The following LIPJ variants were observed in gnomAD, a reference collection of about 807,000 sequenced individuals.
LIPJ encodes the protein lipase family member J.
Under a neutral mutation model 39.8 loss-of-function variants are expected in LIPJ, and 33 were observed. The ratio of observed to expected loss-of-function variants is 0.83; its 90% CI spans 0.63 to 1.11. The LOEUF (loss-of-function observed/expected upper bound fraction) is 1.11, where lower values mean the gene tolerates loss of function less well. Among genes scored for constraint, LIPJ ranks in the 50% least tolerant of loss-of-function variants. LIPJ has a pLI of 0.00. For missense variants in LIPJ, 422 were observed against 427.9 expected (o/e 0.99, Z 0.12); for synonymous variants, 128 against 139.2 (o/e 0.92, Z 0.57).
chr10:88,594,515 G>A (rs1432121652), intron 5 of LIPJ, 152 bp from the exon 6 acceptor site: 1 of 458,070 alleles, frequency 2.2e-6, no homozygotes, highest in Non-Finnish European at 3.8e-6. Context: ...TCCCACAGAA[G>A]TCTCTATTCA....
downstream of LIPJ, among the ~76,000 whole-genome samples, chr10:88,609,426 T>C (rs1851724102): frequency 6.6e-6 from 1 of 152,210 alleles, no homozygotes; most frequent in Non-Finnish European, 1.5e-5. Context: ...CAAATGATCC[T>C]TCAAAGAAGG....
At chr10:88,609,696 C>T (rs1400518310), downstream of LIPJ, among the ~76,000 whole-genome samples, 2 of 151,930 alleles carry the variant, frequency 1.3e-5, no homozygotes, top group African/African-American at 2.4e-5. Flanking sequence ...GTCAAGAGAT[C>T]GGGACCATCC....
intron 5 of LIPJ, 57 bp from the exon 6 acceptor site, chr10:88,594,610 A>G: frequency 1.2e-6 from 1 of 810,234 alleles, no homozygotes; most frequent in South Asian, 2.5e-5. Context: ...ATTATTTTCA[A>G]ATACTAACAT....
At chr10:88,604,970 T>C (rs948766844) in intron 9 of LIPJ, among the ~76,000 whole-genome samples, 1 of 152,096 alleles carries the variant, frequency 6.6e-6, no homozygotes, top group African/African-American at 2.4e-5. Flanking sequence ...TGGCAGAAAC[T>C]AAGTTGGCTA....
chr10:88,583,509 C>T, upstream of LIPJ: 2 of 1,194,508 alleles, frequency 1.7e-6, no homozygotes, highest in East Asian at 5.1e-5. Context: ...TGGGAGAACC[C>T]GCCTCGCAAC....
chr10:88,613,800 A>ATATATATATATATGTGTGTGTG, the LIPJ span, among the ~76,000 whole-genome samples: 14 of 74,156 alleles, frequency 1.9e-4, no homozygotes, highest in Admixed American at 8.5e-4. Flanking sequence ...ATATATATAT[A>ATATATATATATATGTGTGTGTG]TGTGTGTGTG....
the LIPJ span, among the ~76,000 whole-genome samples, chr10:88,622,590 A>AG: frequency 6.6e-6 from 1 of 152,172 alleles, no homozygotes; most frequent in African/African-American, 2.4e-5. Flanking sequence ...GTACTGACCC[A>AG]GGGACCAGAC....
intron 2 of LIPJ, among the ~76,000 whole-genome samples, chr10:88,587,982 T>C (rs905967157): frequency 1.3e-5 from 2 of 152,040 alleles, no homozygotes; most frequent in African/African-American, 4.8e-5. Context: ...TTATCTTTTT[T>C]TGTAAACCTT....
At chr10:88,595,504 T>C (rs1273709064) in intron 6 of LIPJ, among the ~76,000 whole-genome samples, 1 of 151,714 alleles carries the variant, frequency 6.6e-6, no homozygotes, top group Non-Finnish European at 1.5e-5. Flanking sequence ...CCATTTTGTA[T>C]AGATCTTTTC....
At position 88,594,208 on chromosome 10, in the gene LIPJ, A is replaced by C. The variant is rs964105200; in HGVS notation, c.329+64A>C. ...TATACAAATTTTTCATTTTGAATGC[A>C]ATAAAATAAAATTTAGGTCTTACTA... On this transcript the variant is annotated intron_variant, in intron 5 of 10. Coordinates refer to ENST00000371939, the Ensembl canonical transcript of LIPJ. 7.6e-6 allele frequency: 9 copies of C among 1,191,968 alleles called. No individual in the cohort carries two copies. The African/African-American group carries it at 1.2e-4, about 16-fold the overall frequency. The allele number at this position is 1,191,968 out of a possible 1,614,324, so 73.8% of individuals were successfully genotyped here.
downstream of LIPJ, among the ~76,000 whole-genome samples, chr10:88,608,584 A>G (rs1426612001): frequency 6.6e-6 from 1 of 152,214 alleles, no homozygotes; most frequent in Non-Finnish European, 1.5e-5. Flanking sequence ...GTGTGAATTT[A>G]CCACATAAAG....
At chr10:88,597,789 C>T (rs950310620) in intron 8 of LIPJ, among the ~76,000 whole-genome samples, 1 of 151,838 alleles carries the variant, frequency 6.6e-6, no homozygotes, top group African/African-American at 2.4e-5. Context: ...TTCATATTCC[C>T]TCTTTTTCAT....
the LIPJ span, among the ~76,000 whole-genome samples, chr10:88,613,670 G>A: frequency 6.7e-6 from 1 of 150,266 alleles, no homozygotes; most frequent in East Asian, 2.0e-4. Context: ...GTGATTGCCA[G>A]GGAGTAGGAA....
downstream of LIPJ, among the ~76,000 whole-genome samples, chr10:88,609,156 C>T (rs2134592795): frequency 6.6e-6 from 1 of 152,254 alleles, no homozygotes; most frequent in South Asian, 2.1e-4. Context: ...ATGCCAAGAA[C>T]CTGGACCCCC....
rs748090078 is a variant in LIPJ, at chr10:88,606,766, T to G, written c.960T>G (p.Val320=). ...ACTTGTTGGCTGACCCTGAAGACGT[T>G]AACATTTTACATTCTGAAATCACAA... The change falls in exon 11 of 11, where the codon GTT becomes GTG. Residue 320 remains valine, a synonymous_variant. Transcript: ENST00000371939. The G allele has an allele frequency of 5.6e-6, 9 of 1,613,504 alleles. 1 individual carries two copies. In the South Asian group the frequency reaches 9.9e-5, roughly 18 times the overall value.
chr10:88,582,976 G>C, upstream of LIPJ: 1 of 1,395,794 alleles, frequency 7.2e-7, no homozygotes, highest in Non-Finnish European at 9.7e-7. Flanking sequence ...AGGGTATAGC[G>C]TTTTCGCCTT....
chr10:88,588,198 C>G (rs779761095), intron 2 of LIPJ, among the ~76,000 whole-genome samples: 1 of 151,672 alleles, frequency 6.6e-6, no homozygotes, highest in Non-Finnish European at 1.5e-5. Context: ...TTTGCATCTA[C>G]TATGACAAAA....
At position 88,606,627 on chromosome 10, in the gene LIPJ, C is replaced by T. The variant is rs772942557; in HGVS notation, c.868-47C>T. On this transcript the variant is annotated intron_variant, in intron 10 of 10. Transcript: ENST00000371939. Reference sequence around the variant, plus strand: ...AACAATTAGTAATTAAAACCTTCTACTGTATCATCTCCTATGAAAACTATT... The same window carrying T: ...AACAATTAGTAATTAAAACCTTCTATTGTATCATCTCCTATGAAAACTATT... 2.7e-6 allele frequency: 3 copies of T among 1,123,080 alleles called. No homozygotes were observed. The Admixed American group carries it at 5.9e-5, about 22-fold the overall frequency. 69.6% of individuals were successfully genotyped at this position (1,123,080 alleles called of 1,614,324 possible). A position where few individuals can be genotyped will look rare whatever the true frequency, so the allele number is the denominator to read the frequency against.
exon 8 of LIPJ, chr10:88,596,819 T>A: frequency 6.2e-7 from 1 of 1,603,248 alleles, no homozygotes; most frequent in South Asian, 1.1e-5. Context: ...ACTTCTTGCC[T>A]AAAACCTCAT....
Sources: allele counts gnomAD v4.1 joint callset (sites outside exome capture counted in the v4.1 genomes callset), GRCh38; gene constraint gnomAD v4.1.1; transcripts MANE v1.5; gene names NCBI Gene and HGNC (gene_info 2026-07-23, HGNC 2026-07-21).